TSPAN18: variants seen among roughly 807,000 people sequenced by gnomAD.
The protein encoded by TSPAN18 is tetraspanin-18.
In TSPAN18, 14 loss-of-function variants were observed where a neutral mutation model predicts 27.3. That is an observed-to-expected ratio of 0.51 (90% confidence interval 0.34 to 0.80). TSPAN18 has a LOEUF of 0.80. Among genes scored for constraint, TSPAN18 ranks in the 30% least tolerant of loss-of-function variants. TSPAN18 has a pLI of 0.01. For missense variants in TSPAN18, 268 were observed against 323.9 expected (o/e 0.83, Z 1.32); for synonymous variants, 143 against 136.5 (o/e 1.05, Z -0.33).
intron 1 of TSPAN18, among the ~76,000 whole-genome samples, chr11:44,753,449 A>C (rs1178377528): frequency 6.6e-6 from 1 of 152,166 alleles, no homozygotes; most frequent in Non-Finnish European, 1.5e-5. Flanking sequence ...CCATTTTCAA[A>C]AGAAAGTTTT....
intron 2 of TSPAN18, among the ~76,000 whole-genome samples, chr11:44,791,205 G>A (rs530987803): frequency 6.6e-6 from 1 of 152,286 alleles, no homozygotes; most frequent in South Asian, 2.1e-4. Context: ...ACTGAATGGG[G>A]GCAGGGGCAT....
At position 44,849,020 on chromosome 11, in the gene TSPAN18, T is replaced by A. The variant is rs191788367; in HGVS notation, c.-152-11308T>A. Among the ~76,000 whole-genome samples, 141 of 152,358 alleles carry A rather than the reference T, an allele frequency of 9.3e-4. 1 individual carries two copies. In the Middle Eastern group the frequency reaches 0.01, roughly 11 times the overall value. ...CTCTCTCTGAGCCTCCATTTCTTCA[T>A]CTTTAAAATGGGAGAACACATCTCT... On this transcript the variant is annotated intron_variant, in intron 2 of 9. Coordinates refer to ENST00000520358, the MANE Select transcript of TSPAN18 (RefSeq NM_130783.5).
At chr11:44,851,615 T>TCCCCCCCCCC (rs35373492) in intron 2 of TSPAN18, among the ~76,000 whole-genome samples, 6 of 122,758 alleles carry the variant, frequency 4.9e-5, no homozygotes, top group Admixed American at 2.5e-4. Flanking sequence ...TCTTGTCACC[T>TCCCCCCCCCC]CCCCCCCCCA....
chr11:44,861,485 G>A (rs1243637939), intron 3 of TSPAN18, among the ~76,000 whole-genome samples: 1 of 145,074 alleles, frequency 6.9e-6, no homozygotes, highest in East Asian at 2.0e-4. Context: ...GCGGGGGGTC[G>A]GTGGTTGGGG....
chr11:44,839,833 G>A (rs146628584), intron 2 of TSPAN18, among the ~76,000 whole-genome samples: 138 of 152,290 alleles, frequency 9.1e-4, no homozygotes, highest in African/African-American at 1.4e-3. Context: ...GGAGGCAGAG[G>A]TGAGCGTGAC....
intron 3 of TSPAN18, among the ~76,000 whole-genome samples, chr11:44,904,963 T>TTGTAA: frequency 6.6e-6 from 1 of 152,270 alleles, no homozygotes; most frequent in Admixed American, 6.5e-5. Flanking sequence ...AGTACATACC[T>TTGTAA]CCTTGGTGGT....
intron 2 of TSPAN18, among the ~76,000 whole-genome samples, chr11:44,793,509 G>A (rs775522212): frequency 6.6e-6 from 1 of 152,158 alleles, no homozygotes; most frequent in African/African-American, 2.4e-5. Flanking sequence ...AGGATGGTCG[G>A]TCATCCAGAG....
chr11:44,730,824 C>T (rs888474256), intron 1 of TSPAN18, among the ~76,000 whole-genome samples: 1 of 85,500 alleles, frequency 1.2e-5, no homozygotes, highest in Admixed American at 9.7e-5. Flanking sequence ...ACGGGTTTCA[C>T]CATGTTGGTC....
In TSPAN18 at chr11:44,790,878, G is replaced by A. The variant is rs145048878; in HGVS notation, c.-153+26366G>A. Among the ~76,000 whole-genome samples, 418 of 152,286 alleles carry A rather than the reference G, an allele frequency of 2.7e-3. 3 individuals are homozygous for A. Among genetic ancestry groups the A allele is most frequent in the Middle Eastern group, 6.8e-3 (2 of 294 alleles). ...CAAATCATAGCCAGGACAGGGTGACGTGGTGAGGCTGTCATCCTAAAGTTG... is the reference window on the plus strand; with the variant it reads ...CAAATCATAGCCAGGACAGGGTGACATGGTGAGGCTGTCATCCTAAAGTTG... On this transcript the variant is annotated intron_variant, in intron 2 of 9. Coordinates refer to ENST00000520358, the MANE Select transcript of TSPAN18 (RefSeq NM_130783.5).
intron 8 of TSPAN18, among the ~76,000 whole-genome samples, chr11:44,923,933 T>C (rs1860242214): frequency 6.6e-6 from 1 of 152,140 alleles, no homozygotes; most frequent in Non-Finnish European, 1.5e-5. Flanking sequence ...CAAAGCCTGA[T>C]AGGGGAAGAT....
chr11:44,747,781 T>A (rs1005085472), intron 1 of TSPAN18, among the ~76,000 whole-genome samples: 4 of 152,104 alleles, frequency 2.6e-5, no homozygotes, highest in Admixed American at 2.6e-4. Flanking sequence ...ACTTGCTCAC[T>A]CTCATCTTTC....
chr11:44,754,754 G>A (rs1415497932), intron 1 of TSPAN18, among the ~76,000 whole-genome samples: 1 of 152,236 alleles, frequency 6.6e-6, no homozygotes, highest in African/African-American at 2.4e-5. Context: ...TGCGGTGTAG[G>A]AGAAAGAAGA....
chr11:44,876,622 G>A (rs1046931337), intron 3 of TSPAN18, among the ~76,000 whole-genome samples: 10 of 152,194 alleles, frequency 6.6e-5, no homozygotes, highest in Non-Finnish European at 1.5e-4. Context: ...CAAAGACACG[G>A]TAACATCAGA....
chr11:44,759,575 A>T lies in TSPAN18; in HGVS notation c.-239-4851A>T, dbSNP rs189335852. On this transcript the variant is annotated intron_variant, in intron 1 of 9. Transcript: ENST00000520358. ...CCACTTGTCTTCCCTCTGTCCTTCT[A>T]TTCATCCCTGTGTTCATCCATCTCT... Among the ~76,000 whole-genome samples the T allele has an allele frequency of 9.3e-4, 141 of 152,176 alleles. 1 individual carries two copies. Among genetic ancestry groups the T allele is most frequent in the African/African-American group, 3.3e-3 (138 of 41,510 alleles).
intron 3 of TSPAN18, among the ~76,000 whole-genome samples, chr11:44,891,990 C>A (rs1230327135): frequency 6.6e-6 from 1 of 152,174 alleles, no homozygotes; most frequent in Non-Finnish European, 1.5e-5. Flanking sequence ...CTCAGGGAGG[C>A]CACTGAGTGG....
Position 44,729,351 on chromosome 11 carries a change from G to A in TSPAN18, c.-240+2064G>A, listed in dbSNP as rs79789768. Among the ~76,000 whole-genome samples, 902 of 152,272 alleles carry A rather than the reference G, an allele frequency of 5.9e-3. 57 individuals are homozygous for A. In the East Asian group the frequency reaches 0.15, roughly 25 times the overall value. ...ACCAGCCCTGCCTTGGAACCTGCCTGGGAGCATGGGGCCCCTAGAAGGCCA... is the reference window on the plus strand; with the variant it reads ...ACCAGCCCTGCCTTGGAACCTGCCTAGGAGCATGGGGCCCCTAGAAGGCCA... On this transcript the variant is annotated intron_variant, in intron 1 of 9. Transcript: ENST00000520358.
chr11:44,908,349 T>G (rs1013333817), intron 4 of TSPAN18, among the ~76,000 whole-genome samples: 1 of 152,116 alleles, frequency 6.6e-6, no homozygotes, highest in African/African-American at 2.4e-5. Context: ...CACAAAGGGA[T>G]TTCAAATACT....
At chr11:44,827,366 C>A (rs935133693) in intron 2 of TSPAN18, among the ~76,000 whole-genome samples, 1 of 152,224 alleles carries the variant, frequency 6.6e-6, no homozygotes, top group East Asian at 1.9e-4. Flanking sequence ...TCTCCCTCAG[C>A]CCCTGCTGAG....
At chr11:44,780,004 C>T (rs973500980) in intron 2 of TSPAN18, among the ~76,000 whole-genome samples, 1 of 152,240 alleles carries the variant, frequency 6.6e-6, no homozygotes, top group Non-Finnish European at 1.5e-5. Context: ...CACCTGCCTC[C>T]GCATTCCTAT....
Sources: gnomAD v4.1 joint callset for allele counts (sites outside exome capture counted in the v4.1 genomes callset) on GRCh38, gnomAD v4.1.1 for gene constraint, MANE v1.5 for transcripts, NCBI Gene and HGNC (gene_info 2026-07-23, HGNC 2026-07-21) for gene names.